Variants in MPP2 observed in about 807,000 individuals in gnomAD.
MPP2 encodes MAGUK p55 scaffold protein 2.
In MPP2, 42 loss-of-function variants were observed where a neutral mutation model predicts 58.5. The ratio of observed to expected loss-of-function variants is 0.72; its 90% CI spans 0.56 to 0.93. The LOEUF is 0.93. Among genes scored for constraint, MPP2 ranks in the 40% least tolerant of loss-of-function variants. The pLI is 0.00. For missense variants in MPP2, 632 were observed against 760.4 expected (o/e 0.83, Z 1.99); for synonymous variants, 300 against 307.8 (o/e 0.97, Z 0.26).
At chr17:43,892,441 T>C (rs1364412320) in intron 3 of MPP2, among the ~76,000 whole-genome samples, 2 of 152,214 alleles carry the variant, frequency 1.3e-5, no homozygotes, top group African/African-American at 2.4e-5. Flanking sequence ...TAGGTCCCAT[T>C]GTCCAATGCA....
intron 2 of MPP2, among the ~76,000 whole-genome samples, chr17:43,899,240 C>A (rs2047983746): frequency 8.4e-6 from 1 of 118,406 alleles, no homozygotes; most frequent in Non-Finnish European, 1.8e-5. Context: ...GAGCAAGACT[C>A]CGTCTCAAAA....
chr17:43,879,261 C>T lies in MPP2; in HGVS notation c.1482+14G>A. The T allele has an allele frequency of 6.2e-7, 1 of 1,605,782 alleles. No individual in the cohort carries two copies. The highest frequency in any genetic ancestry group is 8.5e-7 in the Non-Finnish European group (1 of 1,173,488). On this transcript the variant is annotated intron_variant, in intron 12 of 12. Coordinates refer to ENST00000269095, the MANE Select transcript of MPP2 (RefSeq NM_005374.5). This position sits in a 1 kb window ranked among gnomAD's most constrained non-coding sequence, Gnocchi z 4.1. ...CAGCTATCAGACCCCTCCCCCACACCTCAGAGCCCTCACCGTGAGCTGCTT... is the reference window on the plus strand; with the variant it reads ...CAGCTATCAGACCCCTCCCCCACACTTCAGAGCCCTCACCGTGAGCTGCTT...
chr17:43,881,677 A>C, intron 6 of MPP2, 88 bp from the exon 7 acceptor site: 1 of 1,501,564 alleles, frequency 6.7e-7, no homozygotes, highest in Non-Finnish European at 9.0e-7. Flanking sequence ...CTTTTCACAG[A>C]GACTAAGGGG....
upstream of MPP2, chr17:43,907,587 G>A: frequency 9.1e-6 from 9 of 985,528 alleles, no homozygotes; most frequent in South Asian, 4.7e-5. Flanking sequence ...TCTCCGCGAG[G>A]GGGCGGAGGT....
rs2047205539 is a variant in MPP2, at chr17:43,882,980, G to A, written c.376C>T (p.Pro126Ser). ...ETPPPSPGLD[P>S]TFSNQPVPPD... ...GGTACAGGCTGGTTGCTGAATGTAG[G>A]GTCCAGGCCAGGGCTGGGGGGTGGT... The change falls in exon 5 of 13, where the codon CCT becomes TCT. Residue 126 changes from proline (P) to serine (S), a missense_variant. Pro to Ser is a moderately conservative substitution (Grantham distance 74). Transcript: ENST00000269095. 6.2e-7 allele frequency: 1 copy of A among 1,614,090 alleles called. No homozygotes were observed. Among genetic ancestry groups the A allele is most frequent in the Non-Finnish European group, 8.5e-7 (1 of 1,180,020 alleles).
intron 3 of MPP2, among the ~76,000 whole-genome samples, chr17:43,895,443 T>C (rs1188690904): frequency 6.6e-6 from 1 of 152,162 alleles, no homozygotes; most frequent in Non-Finnish European, 1.5e-5. Flanking sequence ...TAAGAAGAAA[T>C]GGCAAGAGTC....
chr17:43,900,779 T>C (rs1222215454), intron 2 of MPP2, among the ~76,000 whole-genome samples: 1 of 152,056 alleles, frequency 6.6e-6, no homozygotes, highest in Non-Finnish European at 1.5e-5. Context: ...AGAAGAGTGG[T>C]GGGAGGGAGC....
chr17:43,908,170 G>A (rs958782307), upstream of MPP2, among the ~76,000 whole-genome samples: 1 of 152,184 alleles, frequency 6.6e-6, no homozygotes, highest in African/African-American at 2.4e-5. Context: ...AGAAGTAACT[G>A]GCTAGCCTTC....
intron 2 of MPP2, among the ~76,000 whole-genome samples, chr17:43,902,651 T>G (rs2048141076): frequency 6.6e-6 from 1 of 152,088 alleles, no homozygotes; most frequent in Non-Finnish European, 1.5e-5. Flanking sequence ...TCCCTTCACT[T>G]TCTCGGAGAG....
chr17:43,893,342 TG>T (rs1300466823), intron 3 of MPP2, among the ~76,000 whole-genome samples: 7 of 152,226 alleles, frequency 4.6e-5, no homozygotes, highest in Non-Finnish European at 1.0e-4. Context: ...TCAATTTCAT[TG>T]CCAAGTGTCC....
chr17:43,903,547 CATGG>C (rs2048178971), intron 2 of MPP2, among the ~76,000 whole-genome samples: 1 of 151,906 alleles, frequency 6.6e-6, no homozygotes, highest in Admixed American at 6.6e-5. Flanking sequence ...ATTAGCTGGG[CATGG>C]TGGTGCACAC....
rs917050851 is a variant in MPP2, at chr17:43,880,107, C to T, written c.1151-123G>A. 3.5e-6 allele frequency: 3 copies of T among 849,138 alleles called. No individual in the cohort carries two copies. In the African/African-American group the frequency reaches 5.0e-5, roughly 14 times the overall value. 52.6% of individuals were successfully genotyped at this position (849,138 alleles called of 1,614,324 possible). On this transcript the variant is annotated intron_variant, in intron 10 of 12. Coordinates refer to ENST00000269095, the MANE Select transcript of MPP2 (RefSeq NM_005374.5). This position sits in a 1 kb window ranked among gnomAD's most constrained non-coding sequence, Gnocchi z 5.2. ...CTTGGAGGTGCAGTCTGCTCCCCAT[C>T]TTGCCAGCACTGCTGCCTTTGCACA... is the stretch of plus-strand genomic sequence containing the variant.
chr17:43,907,628 G>A (rs1337225446), upstream of MPP2: 3 of 985,668 alleles, frequency 3.0e-6, no homozygotes, highest in Non-Finnish European at 3.6e-6. Flanking sequence ...GGAGAACGCG[G>A]AGGCCGGCAC....
At chr17:43,878,372 T>C (rs748690395) in intron 12 of MPP2, among the ~76,000 whole-genome samples, 18 of 152,138 alleles carry the variant, frequency 1.2e-4, no homozygotes, top group Non-Finnish European at 2.5e-4. Flanking sequence ...CTCCCTCAAG[T>C]CTGACTAGGC....
intron 3 of MPP2, among the ~76,000 whole-genome samples, chr17:43,887,905 G>GCC: frequency 6.6e-6 from 1 of 152,190 alleles, no homozygotes; most frequent in East Asian, 1.9e-4. Flanking sequence ...AACACTTGCA[G>GCC]ATACAATCTA....
At chr17:43,888,207 A>G (rs535035069) in intron 3 of MPP2, among the ~76,000 whole-genome samples, 3 of 152,278 alleles carry the variant, frequency 2.0e-5, no homozygotes, top group Non-Finnish European at 2.9e-5. Flanking sequence ...CTCTTTTCCC[A>G]AACAGGCCAG....
chr17:43,895,979 T>C (rs1374906772), intron 3 of MPP2, among the ~76,000 whole-genome samples: 6 of 152,164 alleles, frequency 3.9e-5, no homozygotes, highest in Admixed American at 3.9e-4. Context: ...CTTCAACCAT[T>C]CCACAGATAA....
upstream of MPP2, chr17:43,907,588 G>A: frequency 3.0e-6 from 3 of 985,536 alleles, no homozygotes; most frequent in Non-Finnish European, 3.6e-6. Context: ...CTCCGCGAGG[G>A]GGCGGAGGTC....
At chr17:43,891,992 C>CT (rs2047627012) in intron 3 of MPP2, among the ~76,000 whole-genome samples, 1 of 152,202 alleles carries the variant, frequency 6.6e-6, no homozygotes, top group African/African-American at 2.4e-5. Context: ...TCACCTTGGC[C>CT]TTGTCTGTAG....
Sources: gnomAD v4.1 joint callset for allele counts (sites outside exome capture counted in the v4.1 genomes callset) on GRCh38, gnomAD v4.1.1 for gene constraint, Gnocchi (gnomAD v3.1) non-coding constraint, MANE v1.5 for transcripts, NCBI Gene and HGNC (gene_info 2026-07-23, HGNC 2026-07-21) for gene names.